Variants in GRM7 observed in about 807,000 individuals in gnomAD.
GRM7 encodes metabotropic glutamate receptor 7.
A neutral mutation model predicts 84.5 loss-of-function variants in GRM7; 35 were observed. The observed-to-expected ratio is 0.41, with a 90% CI of 0.32 to 0.55. GRM7 has a LOEUF of 0.55. Among genes scored for constraint, GRM7 ranks in the 20% least tolerant of loss-of-function variants. The probability of loss-of-function intolerance (pLI) is 0.19; values close to 1 mark genes in which losing one functional copy is unlikely to be tolerated. For synonymous variants in GRM7, 487 were observed against 455.1 expected, an observed-to-expected ratio of 1.07 and a Z score of -0.89; for missense variants, 1,003 against 1,194.6, an observed-to-expected ratio of 0.84 and a Z score of 2.36.
rs571391200 is a variant in GRM7 at position 6,954,688 on chromosome 3, G to A, written c.519+92781G>A. On this transcript the variant is annotated intron_variant, in intron 1 of 9. Coordinates refer to ENST00000357716, the MANE Select transcript of GRM7 (RefSeq NM_000844.4). ...GGTCTATTACTTACTATCTGTGTGA[G>A]CTCTAGCAACCTCTTTGCAAATCTG... Among the ~76,000 whole-genome samples the A allele has an allele frequency of 5.3e-5, 8 of 152,204 alleles. 1 individual carries two copies. In the South Asian group the frequency reaches 1.7e-3, roughly 31 times the overall value.
At chr3:7,292,761 T>C (rs1699678973) in intron 2 of GRM7, among the ~76,000 whole-genome samples, 1 of 150,940 alleles carries the variant, frequency 6.6e-6, no homozygotes, top group South Asian at 2.1e-4. Flanking sequence ...CTGGACGCGG[T>C]GGCTCACGCC....
chr3:7,697,965 A>G (rs181843085), intron 9 of GRM7, among the ~76,000 whole-genome samples: 2 of 152,326 alleles, frequency 1.3e-5, no homozygotes, highest in African/African-American at 2.4e-5. Flanking sequence ...GGTTTACTAA[A>G]AAGGTTATAT....
intron 1 of GRM7, among the ~76,000 whole-genome samples, chr3:6,883,769 A>C (rs1257201201): frequency 6.6e-6 from 1 of 152,228 alleles, no homozygotes; most frequent in Non-Finnish European, 1.5e-5. Context: ...TGTCTCATCC[A>C]AAACAGCAAG....
chr3:6,939,435 T>TA lies in GRM7; in HGVS notation c.519+77540dup, dbSNP rs151251266. 8.3e-3 allele frequency among the ~76,000 whole-genome samples: 1,214 copies of TA among 146,848 alleles called. 16 individuals carry two copies. Among genetic ancestry groups the TA allele is most frequent in the African/African-American group, 0.025 (1,007 of 40,262 alleles). ...TCAAAGATTTTAAGTAAATCTGGAT[T>TA]AAAAAAAAAAAACAGTTATTCACAT... On this transcript the variant is annotated intron_variant, in intron 1 of 9. Coordinates refer to ENST00000357716, the MANE Select transcript of GRM7 (RefSeq NM_000844.4).
At chr3:7,239,269 A>G (rs1381224342) in intron 2 of GRM7, among the ~76,000 whole-genome samples, 1 of 152,062 alleles carries the variant, frequency 6.6e-6, no homozygotes, top group Non-Finnish European at 1.5e-5. Context: ...CCAAAGTGCT[A>G]GGTTTATATA....
At chr3:7,430,744 C>T (rs1054187875) in intron 5 of GRM7, among the ~76,000 whole-genome samples, 2 of 152,184 alleles carry the variant, frequency 1.3e-5, no homozygotes, top group African/African-American at 4.8e-5. Context: ...CAAATAGAAG[C>T]ACTGATTATC....
intron 5 of GRM7, among the ~76,000 whole-genome samples, chr3:7,438,133 G>A (rs1314609555): frequency 6.6e-6 from 1 of 152,010 alleles, no homozygotes; most frequent in Non-Finnish European, 1.5e-5. Context: ...CAGGGGAGTG[G>A]CATGGCCTAG....
intron 4 of GRM7, among the ~76,000 whole-genome samples, chr3:7,311,564 C>T (rs994663621): frequency 1.3e-4 from 19 of 151,672 alleles, no homozygotes; most frequent in South Asian, 2.1e-4. Context: ...CAATCTGGGC[C>T]GTCTCAATCT....
intron 1 of GRM7, among the ~76,000 whole-genome samples, chr3:7,062,113 TA>T (rs1212764257): frequency 4.6e-5 from 7 of 151,448 alleles, no homozygotes; most frequent in Non-Finnish European, 1.0e-4. Context: ...TAGAAACTGT[TA>T]AAAAAATTTC....
chr3:6,929,401 G>A (rs1697419498), intron 1 of GRM7, among the ~76,000 whole-genome samples: 1 of 152,142 alleles, frequency 6.6e-6, no homozygotes, highest in Admixed American at 6.5e-5. Flanking sequence ...AATTAACTCA[G>A]AATCCAGAAA....
chr3:7,322,504 C>G (rs983330733), intron 4 of GRM7, among the ~76,000 whole-genome samples: 1 of 151,750 alleles, frequency 6.6e-6, no homozygotes, highest in Non-Finnish European at 1.5e-5. Flanking sequence ...TACCTGTCAC[C>G]CCAACAGTGT....
chr3:7,217,134 G>T (rs1696641298), intron 2 of GRM7, among the ~76,000 whole-genome samples: 1 of 152,142 alleles, frequency 6.6e-6, no homozygotes. Context: ...TAATAAAAAA[G>T]GAGCTAATTT....
chr3:7,652,745 T>C (rs1372096060), intron 8 of GRM7, among the ~76,000 whole-genome samples: 1 of 152,200 alleles, frequency 6.6e-6, no homozygotes, highest in African/African-American at 2.4e-5. Context: ...CCCATTTCAG[T>C]AAATTTACAG....
At chr3:7,617,271 T>C (rs556055453) in intron 8 of GRM7, among the ~76,000 whole-genome samples, 33 of 152,088 alleles carry the variant, frequency 2.2e-4, no homozygotes, top group Non-Finnish European at 4.1e-4. Context: ...GACTCATGCA[T>C]ATGAGAAAGT....
intron 1 of GRM7, among the ~76,000 whole-genome samples, chr3:6,921,499 T>C (rs1440175712): frequency 6.6e-6 from 1 of 152,102 alleles, no homozygotes; most frequent in Non-Finnish European, 1.5e-5. Context: ...AGAGCTTACA[T>C]CTATTAAAAC....
At chr3:6,866,759 A>C (rs533011561) in intron 1 of GRM7, among the ~76,000 whole-genome samples, 42 of 152,342 alleles carry the variant, frequency 2.8e-4, no homozygotes, top group Middle Eastern at 3.4e-3. Flanking sequence ...CAAAACTGAG[A>C]AATGATGACA....
At chr3:7,258,615 G>A (rs1698296292) in intron 2 of GRM7, among the ~76,000 whole-genome samples, 1 of 152,212 alleles carries the variant, frequency 6.6e-6, no homozygotes, top group Non-Finnish European at 1.5e-5. Context: ...TTTTTAAAAA[G>A]TAGATAATAA....
At chr3:7,640,041 A>C (rs1698293140) in intron 8 of GRM7, among the ~76,000 whole-genome samples, 2 of 152,172 alleles carry the variant, frequency 1.3e-5, no homozygotes, top group African/African-American at 4.8e-5. Context: ...TGTATTCCTG[A>C]AATGCTTTGT....
intron 8 of GRM7, among the ~76,000 whole-genome samples, chr3:7,656,755 C>T (rs987225724): frequency 2.6e-5 from 4 of 151,960 alleles, no homozygotes; most frequent in African/African-American, 9.7e-5. Context: ...AAAAGTGAAG[C>T]ACTTTTTAAA....
Sources: gnomAD v4.1 joint callset for allele counts (sites outside exome capture counted in the v4.1 genomes callset) on GRCh38, gnomAD v4.1.1 for gene constraint, MANE v1.5 for transcripts, NCBI Gene and HGNC (gene_info 2026-07-23, HGNC 2026-07-21) for gene names.